WRN: variants seen among roughly 807,000 people sequenced by gnomAD.
The protein encoded by WRN is bifunctional 3'-5' exonuclease/ATP-dependent helicase WRN.
In WRN, 149 loss-of-function variants were observed where a neutral mutation model predicts 180.7. The ratio of observed to expected loss-of-function variants is 0.82; its 90% CI spans 0.72 to 0.94. The LOEUF (loss-of-function observed/expected upper bound fraction) is 0.94. Ranked by LOEUF, WRN falls within the 40% of genes least tolerant of loss-of-function variation. The pLI, the probability that WRN is intolerant of heterozygous loss-of-function variation, is 0.00. For synonymous variants in WRN, 548 were observed against 568.9 expected (o/e 0.96, Z 0.52); for missense variants, 1,661 against 1,700.1 (o/e 0.98, Z 0.40).
chr8:31,149,467 T>TTTTG lies in WRN; in HGVS notation c.3573-871_3573-870insGTTT, dbSNP rs1563381774. Among the ~76,000 whole-genome samples the TTTTG allele has an allele frequency of 1.6e-4, 8 of 48,566 alleles. 2 individuals are homozygous for TTTTG. The highest frequency in any genetic ancestry group is 2.3e-4 in the Non-Finnish European group (5 of 21,684). 31.9% of individuals were successfully genotyped at this position (48,566 alleles called of 152,430 possible). A position where few individuals can be genotyped will look rare whatever the true frequency, so the allele number is the denominator to read the frequency against. On this transcript the variant is annotated intron_variant, in intron 30 of 34. Coordinates refer to ENST00000298139, the MANE Select transcript of WRN (RefSeq NM_000553.6). ...CTTTAATAGAGGTGTTTTTTTTTTT[T>TTTTG]TTTTTTTTTTTTTTTTTTTTTTTTG... is the stretch of plus-strand genomic sequence containing the variant.
chr8:31,064,497 A>G (rs1289016840), intron 4 of WRN, 63 bp downstream of exon 4: 4 of 1,607,830 alleles, frequency 2.5e-6, no homozygotes, highest in African/African-American at 1.3e-5. Flanking sequence ...CTTTATCCCT[A>G]TAAAATTAAG....
chr8:31,120,676 C>T (rs559521309), intron 21 of WRN, among the ~76,000 whole-genome samples: 15 of 151,994 alleles, frequency 9.9e-5, no homozygotes, highest in South Asian at 4.1e-4. Flanking sequence ...TTAACTAAAT[C>T]AGGACAATAC....
intron 1 of WRN, among the ~76,000 whole-genome samples, chr8:31,034,387 ATTTTC>A (rs984377629): frequency 2.0e-5 from 3 of 151,964 alleles, no homozygotes; most frequent in African/African-American, 7.3e-5. Flanking sequence ...TCTTTAATGG[ATTTTC>A]TTTTCTTTTT....
intron 9 of WRN, 135 bp from the exon 10 acceptor site, chr8:31,083,564 G>A (rs1813404153): frequency 2.1e-6 from 1 of 474,038 alleles, no homozygotes; most frequent in East Asian, 3.6e-5. Flanking sequence ...ATATAAATAT[G>A]TAAATATATA....
chr8:31,139,999 C>CTTTTTTTTTTTTTTTTTTTTT (rs1563375284), intron 24 of WRN, among the ~76,000 whole-genome samples: 1 of 74,704 alleles, frequency 1.3e-5, no homozygotes, highest in African/African-American at 5.3e-5. Context: ...TTGTATACTT[C>CTTTTTTTTTTTTTTTTTTTTT]TTTGTTTTTT....
At chr8:31,083,534 C>T (rs1017627466) in intron 9 of WRN, among the ~76,000 whole-genome samples, 165 bp from the exon 10 acceptor site, 9 of 151,558 alleles carry the variant, frequency 5.9e-5, no homozygotes, top group African/African-American at 2.2e-4. Context: ...ATTCTTCTCT[C>T]TCTCCCTTTT....
At chr8:31,151,704 G>A (rs1803135839) in intron 31 of WRN, among the ~76,000 whole-genome samples, 1 of 152,154 alleles carries the variant, frequency 6.6e-6, no homozygotes, top group Admixed American at 6.5e-5. Flanking sequence ...GGAAAATGAA[G>A]TAGGGGAAAA....
In WRN at chr8:31,087,853, T is replaced by C. The variant is rs756183348; in HGVS notation, c.1509T>C (p.Leu503=). The C allele has an allele frequency of 3.1e-6, 5 of 1,613,608 alleles. No individual in the cohort carries two copies. Among genetic ancestry groups the C allele is most frequent in the African/African-American group, 2.7e-5 (2 of 74,886 alleles). The change falls in exon 12 of 35, where the codon CTT becomes CTC. Residue 503 remains leucine (L), a synonymous_variant. Coordinates refer to ENST00000298139, the MANE Select transcript of WRN (RefSeq NM_000553.6). ...TAAAAATGGAAAGAAATCTGGGTCT[T>C]CCTACTAAAGAAGAAGAAGAAGATG... The part of the protein sequence containing the change: ...KCLKMERNLG[L]PTKEEEEDDE...
At chr8:31,136,602 G>A (rs1029763514) in intron 24 of WRN, among the ~76,000 whole-genome samples, 5 of 152,074 alleles carry the variant, frequency 3.3e-5, no homozygotes, top group Admixed American at 6.6e-5. Flanking sequence ...TTGGGAAGCC[G>A]AGGTGGGGGG....
intron 12 of WRN, 78 bp from the exon 13 acceptor site, chr8:31,088,812 C>T: frequency 3.3e-6 from 4 of 1,208,042 alleles, no homozygotes; most frequent in Non-Finnish European, 4.8e-6. Context: ...TCAAAGAAGC[C>T]AATGAAATAA....
In WRN at chr8:31,096,749, C is replaced by A. The variant is rs747018901; in HGVS notation, c.1899-19C>A. The A allele has an allele frequency of 7.9e-5, 92 of 1,157,234 alleles. No individual in the cohort carries two copies. Among genetic ancestry groups the A allele is most frequent in the Middle Eastern group, 4.6e-4 (2 of 4,384 alleles). The allele number at this position is 1,157,234 out of a possible 1,614,324, so 71.7% of individuals were successfully genotyped here. ...TCCTGTTTTTTTTTTTTTCTTTTTT[C>A]TTTTGTTTGTTTTTACAGAGGTAAA... On this transcript the variant is annotated intron_variant, in intron 16 of 34. Coordinates refer to ENST00000298139, the MANE Select transcript of WRN (RefSeq NM_000553.6).
chr8:31,164,962 G>C (rs1803794312), intron 33 of WRN, among the ~76,000 whole-genome samples: 1 of 151,940 alleles, frequency 6.6e-6, no homozygotes, highest in East Asian at 1.9e-4. Flanking sequence ...GAAATATAAA[G>C]GGTACTTATA....
chr8:31,147,447 C>G lies in WRN; in HGVS notation c.3543C>G (p.Asn1181Lys). The G allele has an allele frequency of 6.2e-7, 1 of 1,613,992 alleles. No individual in the cohort carries two copies. The highest frequency in any genetic ancestry group is 8.5e-7 in the Non-Finnish European group (1 of 1,179,946). Residue 1181 changes from asparagine to lysine, a missense_variant, in exon 30 of 35, where the codon AAC becomes AAG. Coordinates refer to ENST00000298139, the MANE Select transcript of WRN (RefSeq NM_000553.6). Reference sequence around the variant, plus strand: ...TTCCCCCAGCTATTCTGGCAACAAACAAGATACTGGTGGATATGGCCAAAA... The same window carrying G: ...TTCCCCCAGCTATTCTGGCAACAAAGAAGATACTGGTGGATATGGCCAAAA... The part of the protein sequence containing the change: ...MDVPPAILAT[N>K]KILVDMAKMR...
At chr8:31,095,735 G>A (rs1348600605) in intron 16 of WRN, among the ~76,000 whole-genome samples, 1 of 152,162 alleles carries the variant, frequency 6.6e-6, no homozygotes, top group African/African-American at 2.4e-5. Flanking sequence ...TCTGTGTTCT[G>A]TGGATCTATT....
intron 7 of WRN, among the ~76,000 whole-genome samples, chr8:31,075,633 T>A (rs1404090572): frequency 6.6e-6 from 1 of 151,278 alleles, no homozygotes; most frequent in Admixed American, 6.6e-5. Context: ...GGAATGAGAA[T>A]AGCTTGAAGC....
At chr8:31,074,083 A>ATT (rs552649489) in intron 7 of WRN, among the ~76,000 whole-genome samples, 1 of 141,800 alleles carries the variant, frequency 7.1e-6, no homozygotes. Context: ...TGCCCGGCTA[A>ATT]TTTTTTTTTT....
At chr8:31,136,950 A>G (rs188806923) in intron 24 of WRN, among the ~76,000 whole-genome samples, 1 of 152,274 alleles carries the variant, frequency 6.6e-6, no homozygotes, top group Admixed American at 6.5e-5. Context: ...TGGACAACCT[A>G]CAAAATTAAC....
Position 31,116,462 on chromosome 8 carries a change from C to T in WRN, c.2382C>T (p.Tyr794=), listed in dbSNP as rs2130305798. 6.2e-7 allele frequency: 1 copy of T among 1,614,006 alleles called. No individual in the cohort carries two copies. The highest frequency in any genetic ancestry group is 1.1e-5 in the South Asian group (1 of 91,082). Residue 794 remains tyrosine, a synonymous_variant, in exon 20 of 35, where the codon TAC becomes TAT. Transcript: ENST00000298139. ...AACTGAATCTATCCTGTGGAACATACCATGCGGGCATGAGTTTTAGCACAA... is the reference window on the plus strand; with the variant it reads ...AACTGAATCTATCCTGTGGAACATATCATGCGGGCATGAGTTTTAGCACAA... ...LRKLNLSCGT[Y]HAGMSFSTRK...
chr8:31,058,656 G>A, intron 2 of WRN, 113 bp downstream of exon 2: 1 of 1,101,444 alleles, frequency 9.1e-7, no homozygotes, highest in Non-Finnish European at 1.3e-6. Flanking sequence ...CAGAGTTGCT[G>A]TTGTCTAAAT....
Sources: allele counts gnomAD v4.1 joint callset (sites outside exome capture counted in the v4.1 genomes callset), GRCh38; gene constraint gnomAD v4.1.1; transcripts MANE v1.5; gene names NCBI Gene and HGNC (gene_info 2026-07-23, HGNC 2026-07-21).